Variants in POLH observed in about 807,000 individuals in gnomAD.
The protein encoded by POLH is DNA polymerase eta, also known as DNA polymerase eta transcript.
A neutral mutation model predicts 73.6 loss-of-function variants in POLH; 53 were observed. The ratio of observed to expected loss-of-function variants is 0.72; its 90% CI spans 0.58 to 0.91. The LOEUF (loss-of-function observed/expected upper bound fraction) is 0.91. POLH is among the 40% of genes least tolerant of loss of function. The pLI is 0.00. For missense variants in POLH, 768 were observed against 865.4 expected, an observed-to-expected ratio of 0.89 and a Z score of 1.41; for synonymous variants, 292 against 308.5, an observed-to-expected ratio of 0.95 and a Z score of 0.56.
chr6:43,586,629 A>G (rs1377458477), intron 3 of POLH, among the ~76,000 whole-genome samples: 1 of 152,140 alleles, frequency 6.6e-6, no homozygotes, highest in East Asian at 2.0e-4. Flanking sequence ...CTGCCCAGAC[A>G]CATCACCACA....
At chr6:43,610,370 C>A (rs1050343284) in intron 9 of POLH, among the ~76,000 whole-genome samples, 184 bp from the exon 10 acceptor site, 1 of 152,002 alleles carries the variant, frequency 6.6e-6, no homozygotes, top group African/African-American at 2.4e-5. Flanking sequence ...TGGCCTCTTT[C>A]TCTTTTTTAT....
intron 2 of POLH, 93 bp downstream of exon 2, chr6:43,582,549 A>G (rs1372285383): frequency 4.8e-6 from 6 of 1,252,718 alleles, no homozygotes; most frequent in Middle Eastern, 1.9e-4. Context: ...GGTGGTGGTG[A>G]CAGGGCCTTT....
chr6:43,610,650 G>A lies in POLH; in HGVS notation c.1171G>A (p.Asp391Asn), dbSNP rs1488251905. ...LRRCCALTRY[D>N]AHKMSHDAFT... ...CCGCTGCTGTGCCCTTACCCGCTAT[G>A]ATGCTCACAAGATGAGCCATGATGC... Residue 391 changes from aspartate to asparagine, a missense_variant, in exon 10 of 11, where the codon GAT becomes AAT. By Grantham distance (23) the Asp-to-Asn change is conservative. Transcript: ENST00000372236. 1.2e-6 allele frequency: 2 copies of A among 1,613,658 alleles called. No individual in the cohort carries two copies. The highest frequency in any genetic ancestry group is 2.2e-5 in the South Asian group (2 of 91,060).
chr6:43,585,592 G>A (rs1187586111), intron 3 of POLH, among the ~76,000 whole-genome samples: 1 of 150,954 alleles, frequency 6.6e-6, no homozygotes, highest in Non-Finnish European at 1.5e-5. Context: ...AATATTATAA[G>A]TATCCTTTTC....
Position 43,614,020 on chromosome 6 carries a change from A to G in POLH, c.1605A>G (p.Lys535=), listed in dbSNP as rs1221878673. ...GAACTGAGCCCTTCTTTAAGCAGAA[A>G]AGTCTGCTTCTAAAGCAGAAACAGC... is the stretch of plus-strand genomic sequence containing the variant. ...STGTEPFFKQ[K]SLLLKQKQLN... Residue 535 remains lysine, a synonymous_variant, in exon 11 of 11, where the codon AAA becomes AAG. Transcript: ENST00000372236. 2 of 1,613,992 alleles carry G rather than the reference A, an allele frequency of 1.2e-6. No individual in the cohort carries two copies. The highest frequency in any genetic ancestry group is 1.7e-6 in the Non-Finnish European group (2 of 1,180,026).
rs55704248 is a variant in POLH at position 43,615,094 on chromosome 6, C to T, written c.*537C>T. The T allele has an allele frequency of 0.047, 7,267 of 153,000 alleles. 222 individuals carry two copies. The highest frequency in any genetic ancestry group is 0.085 in the African/African-American group (3,501 of 41,334). 9.5% of individuals were successfully genotyped at this position (153,000 alleles called of 1,614,324 possible). On this transcript the variant is annotated 3_prime_UTR_variant, in exon 11 of 11. Coordinates refer to ENST00000372236, the MANE Select transcript of POLH (RefSeq NM_006502.3). The stretch of plus-strand genomic sequence containing the variant: ...ACCAGCCTGGCCAACATGGCAAAAC[C>T]ATCTCTACTAAAAATAGAAAAATTA...
At chr6:43,597,634 G>A in intron 4 of POLH, 62 bp from the exon 5 acceptor site, 1 of 1,454,552 alleles carries the variant, frequency 6.9e-7, no homozygotes, top group Non-Finnish European at 9.6e-7. Flanking sequence ...TTCTACATTA[G>A]ATAGCACAAT....
At position 43,617,282 on chromosome 6, in the gene POLH, G is replaced by A. The variant is rs553948056; in HGVS notation, c.*2725G>A. 5.9e-5 allele frequency among the ~76,000 whole-genome samples: 9 copies of A among 152,278 alleles called. No homozygotes were observed. The East Asian group carries it at 1.5e-3, about 26-fold the overall frequency. The stretch of plus-strand genomic sequence containing the variant: ...ATCACCAGGGAACTTATTAGAAATA[G>A]TCTCAGCCTCACCACTATTCCCACT... On this transcript the variant is annotated 3_prime_UTR_variant, in exon 11 of 11. Coordinates refer to ENST00000372236, the MANE Select transcript of POLH (RefSeq NM_006502.3).
intron 4 of POLH, among the ~76,000 whole-genome samples, chr6:43,594,963 A>T (rs1317429457): frequency 8.2e-6 from 1 of 122,096 alleles, no homozygotes; most frequent in African/African-American, 3.1e-5. Flanking sequence ...GGTGGGGGGC[A>T]TATGGGGGGG....
At chr6:43,596,302 T>C (rs754442481) in intron 4 of POLH, among the ~76,000 whole-genome samples, 1 of 152,050 alleles carries the variant, frequency 6.6e-6, no homozygotes, top group Non-Finnish European at 1.5e-5. Context: ...GCTGACACGG[T>C]GAAACCCCAT....
Position 43,614,194 on chromosome 6 carries a change from A to G in POLH, c.1779A>G (p.Ala593=). 6.2e-7 allele frequency: 1 copy of G among 1,613,638 alleles called. No homozygotes were observed. Among genetic ancestry groups the G allele is most frequent in the Non-Finnish European group, 8.5e-7 (1 of 1,179,522 alleles). The change falls in exon 11 of 11, where the codon GCA becomes GCG. Residue 593 remains alanine (A), a synonymous_variant. Coordinates refer to ENST00000372236, the MANE Select transcript of POLH (RefSeq NM_006502.3). ...AAGAATCCTCTAAAGCAACTCCTGC[A>G]GAGATGGATTTGGCCCACAACAGCC... ...KLEESSKATP[A]EMDLAHNSQS...
chr6:43,617,494 A>G lies in POLH; in HGVS notation c.*2937A>G, dbSNP rs1257428741. Among the ~76,000 whole-genome samples the G allele has an allele frequency of 6.7e-6, 1 of 149,946 alleles. No individual in the cohort carries two copies. Among genetic ancestry groups the G allele is most frequent in the Non-Finnish European group, 1.5e-5 (1 of 67,358 alleles). ...TAACAAAAATTAGGTGTGTGTGGTG[A>G]CGCATGCGTGTAATCCCAGCTACTT... On this transcript the variant is annotated 3_prime_UTR_variant, in exon 11 of 11. Transcript: ENST00000372236.
intron 1 of POLH, among the ~76,000 whole-genome samples, chr6:43,578,989 A>G (rs1763709861): frequency 6.6e-6 from 1 of 152,180 alleles, no homozygotes. Context: ...TTTAATACCT[A>G]TTGCCTTCAT....
In POLH at chr6:43,605,431, T is replaced by C. The variant is rs1582310631; in HGVS notation, c.1074+112T>C. 1.5e-5 allele frequency: 9 copies of C among 591,054 alleles called. 1 individual carries two copies. The highest frequency in any genetic ancestry group is 7.0e-5 in the South Asian group (4 of 56,900). 36.6% of individuals were successfully genotyped at this position (591,054 alleles called of 1,614,324 possible). A position where few individuals can be genotyped will look rare whatever the true frequency, so the allele number is the denominator to read the frequency against. ...GAAAAAAGTATTAGCATAGGAAATA[T>C]CCGTTTTCTTTCTTTTTTTTTTTTT... On this transcript the variant is annotated intron_variant, in intron 9 of 10. Coordinates refer to ENST00000372236, the MANE Select transcript of POLH (RefSeq NM_006502.3).
intron 5 of POLH, among the ~76,000 whole-genome samples, chr6:43,600,408 ACT>A (rs1464958960): frequency 1.3e-5 from 2 of 149,860 alleles, no homozygotes; most frequent in Non-Finnish European, 1.5e-5. Flanking sequence ...ACAGAGCAAG[ACT>A]CTGTCTCAAA....
chr6:43,586,723 G>A (rs1397169224), intron 3 of POLH, among the ~76,000 whole-genome samples: 1 of 152,150 alleles, frequency 6.6e-6, no homozygotes, highest in Non-Finnish European at 1.5e-5. Context: ...TGTATGTGGT[G>A]ATGACCAGTT....
intron 1 of POLH, among the ~76,000 whole-genome samples, chr6:43,581,894 G>A (rs1042979875): frequency 6.8e-6 from 1 of 147,894 alleles, no homozygotes; most frequent in African/African-American, 2.5e-5. Flanking sequence ...CTCCGGCGCC[G>A]CGACCTCCTC....
chr6:43,593,249 A>T (rs1765661919), intron 4 of POLH, among the ~76,000 whole-genome samples: 2 of 152,190 alleles, frequency 1.3e-5, no homozygotes, highest in South Asian at 4.1e-4. Context: ...CAAAAGACTA[A>T]ATCTTACTAG....
At chr6:43,583,704 T>C (rs563286323) in intron 3 of POLH, among the ~76,000 whole-genome samples, 1 of 152,306 alleles carries the variant, frequency 6.6e-6, no homozygotes, top group African/African-American at 2.4e-5. Flanking sequence ...ATTAAACATA[T>C]TATCACATGC....
Sources: allele counts gnomAD v4.1 joint callset (sites outside exome capture counted in the v4.1 genomes callset), GRCh38; gene constraint gnomAD v4.1.1; transcripts MANE v1.5; gene names NCBI Gene and HGNC (gene_info 2026-07-23, HGNC 2026-07-21).